The following JMJD1C variants were observed in gnomAD, a reference collection of about 807,000 sequenced individuals.
The protein encoded by JMJD1C is jumonji domain containing 1C, also known as jumonji domain-containing protein 1C.
A neutral mutation model predicts 245.3 loss-of-function variants in JMJD1C; 31 were observed. The ratio of observed to expected loss-of-function variants is 0.13; its 90% CI spans 0.09 to 0.17. JMJD1C has a LOEUF of 0.17. Ranked by LOEUF, JMJD1C falls within the 10% of genes least tolerant of loss-of-function variation. The pLI is 1.00. For synonymous variants in JMJD1C, 1,057 were observed against 1,017.4 expected (o/e 1.04, Z -0.74); for missense variants, 2,691 against 3,000.2 (o/e 0.90, Z 2.41).
chr10:63,217,978 T>C (rs931203433), intron 4 of JMJD1C, among the ~76,000 whole-genome samples: 1 of 152,066 alleles, frequency 6.6e-6, no homozygotes, highest in African/African-American at 2.4e-5. Flanking sequence ...TATTCAGATA[T>C]GCCTAATAAA....
intron 1 of JMJD1C, among the ~76,000 whole-genome samples, chr10:63,442,236 G>A (rs1289557682): frequency 1.3e-5 from 2 of 152,068 alleles, no homozygotes; most frequent in African/African-American, 4.8e-5. Context: ...GACTGCCAGG[G>A]AGAAAAAACG....
chr10:63,474,418 G>A (rs146934000), intron 1 of JMJD1C, among the ~76,000 whole-genome samples: 1 of 152,132 alleles, frequency 6.6e-6, no homozygotes, highest in Non-Finnish European at 1.5e-5. Context: ...ATCAAAGGAT[G>A]GGGATGAAAT....
At chr10:63,188,601 A>T (rs991944862) in intron 18 of JMJD1C, among the ~76,000 whole-genome samples, 1 of 152,208 alleles carries the variant, frequency 6.6e-6, no homozygotes, top group Non-Finnish European at 1.5e-5. Flanking sequence ...TTTGTTCATA[A>T]TTTTTGCATT....
chr10:63,168,059 T>C lies in JMJD1C; in HGVS notation c.7609A>G (p.Met2537Val). The C allele has an allele frequency of 6.3e-7, 1 of 1,583,684 alleles. No individual in the cohort carries two copies. Among genetic ancestry groups the C allele is most frequent in the Non-Finnish European group, 8.7e-7 (1 of 1,152,928 alleles). The stretch of plus-strand genomic sequence containing the variant: ...CTGGATCACACTTAATTTTCTTCCA[T>C]ATCCTCTACTTCATCCTCGTGTATC... The part of the protein sequence containing the change: ...LKIHEDEVED[M>V]EEN The change falls in exon 26 of 26, where the codon ATG (methionine) becomes GTG (valine). Residue 2537 changes from methionine to valine, a missense_variant. Transcript: ENST00000399262.
intron 2 of JMJD1C, chr10:63,372,992 C>A (rs1946430008): frequency 4.0e-6 from 1 of 252,886 alleles, no homozygotes; most frequent in Non-Finnish European, 9.9e-6. Context: ...GCCCCACTCC[C>A]CACAGAAGGT....
chr10:63,197,242 T>A (rs889391410), intron 13 of JMJD1C, among the ~76,000 whole-genome samples, 169 bp downstream of exon 13: 3 of 151,270 alleles, frequency 2.0e-5, no homozygotes, highest in Non-Finnish European at 4.4e-5. Flanking sequence ...CTAGAAAATA[T>A]AGCCGTTAAT....
At chr10:63,200,121 C>T (rs894102690) in intron 11 of JMJD1C, among the ~76,000 whole-genome samples, 2 of 152,158 alleles carry the variant, frequency 1.3e-5, no homozygotes, top group Non-Finnish European at 1.5e-5. Context: ...TAGTTGAACT[C>T]TTGCAAGTCT....
chr10:63,277,673 T>A (rs1856931594), intron 2 of JMJD1C, among the ~76,000 whole-genome samples: 1 of 150,146 alleles, frequency 6.7e-6, no homozygotes, highest in Non-Finnish European at 1.5e-5. Flanking sequence ...TGAAAATTTT[T>A]AAAAAACAAA....
chr10:63,379,704 T>C (rs1433342355), intron 2 of JMJD1C, among the ~76,000 whole-genome samples: 1 of 152,184 alleles, frequency 6.6e-6, no homozygotes, highest in East Asian at 1.9e-4. Context: ...CAGTCAACTA[T>C]CTCTCAGGTC....
chr10:63,244,036 C>T lies in JMJD1C; in HGVS notation c.447+20615G>A, dbSNP rs182861335. Among the ~76,000 whole-genome samples the T allele has an allele frequency of 8.9e-4, 136 of 152,264 alleles. 1 individual carries two copies. Among genetic ancestry groups the T allele is most frequent in the Non-Finnish European group, 1.5e-3 (101 of 68,024 alleles). On this transcript the variant is annotated intron_variant, in intron 3 of 25. Transcript: ENST00000399262. ...TTTCTGGCAGGAGATCTATCCCTGC[C>T]TCAACTGACAGGAAGCATCAGGAAC...
chr10:63,466,050 C>G (rs1031582566), upstream of JMJD1C: 2 of 225,714 alleles, frequency 8.9e-6, no homozygotes, highest in African/African-American at 4.7e-5. Flanking sequence ...GGGCAGCAGC[C>G]GCGGGAGGGT....
chr10:63,401,096 T>C (rs1948823197), intron 1 of JMJD1C, among the ~76,000 whole-genome samples: 1 of 151,870 alleles, frequency 6.6e-6, no homozygotes, highest in African/African-American at 2.4e-5. Context: ...TCACCTCAGG[T>C]GATTCACCCG....
intron 2 of JMJD1C, among the ~76,000 whole-genome samples, chr10:63,300,443 C>T (rs1859950656): frequency 6.6e-6 from 1 of 152,070 alleles, no homozygotes; most frequent in Non-Finnish European, 1.5e-5. Context: ...GTTTCAAGAG[C>T]TTGAAAAAAG....
intron 1 of JMJD1C, among the ~76,000 whole-genome samples, chr10:63,425,544 G>A (rs1273568570): frequency 1.6e-4 from 24 of 152,162 alleles, no homozygotes; most frequent in Non-Finnish European, 7.3e-5. Context: ...GACTTTGGGA[G>A]GCCAAGACAG....
At chr10:63,294,836 C>T (rs1859186686) in intron 2 of JMJD1C, among the ~76,000 whole-genome samples, 1 of 152,066 alleles carries the variant, frequency 6.6e-6, no homozygotes, top group African/African-American at 2.4e-5. Context: ...AAAACAAAGG[C>T]TATCATTAAA....
At chr10:63,177,464 GTC>G in intron 23 of JMJD1C, 1 of 456,084 alleles carries the variant, frequency 2.2e-6, no homozygotes, top group East Asian at 4.5e-5. Flanking sequence ...GAACAGATCA[GTC>G]TTTTATTAAC....
chr10:63,238,875 T>A (rs1851118120), intron 3 of JMJD1C, among the ~76,000 whole-genome samples: 1 of 152,228 alleles, frequency 6.6e-6, no homozygotes, highest in Admixed American at 6.5e-5. Flanking sequence ...GCCAAGGCAC[T>A]GGCAATATAT....
chr10:63,207,930 A>G lies in JMJD1C; in HGVS notation c.3739T>C (p.Ser1247Pro). The G allele has an allele frequency of 6.2e-7, 1 of 1,614,096 alleles. No homozygotes were observed. Among genetic ancestry groups the G allele is most frequent in the Non-Finnish European group, 8.5e-7 (1 of 1,179,990 alleles). ...PVNAGGKVQESQKPPTLIPEP... is the reference protein window; with the variant it reads ...PVNAGGKVQEPQKPPTLIPEP... The stretch of plus-strand genomic sequence containing the variant: ...GGTATTAGAGTTGGAGGCTTCTGTG[A>G]TTCTTGAACTTTACCACCAGCATTT... The change falls in exon 10 of 26, where the codon TCA becomes CCA. Residue 1247 changes from serine (S) to proline (P), a missense_variant. By Grantham distance (74) the Ser-to-Pro change is moderately conservative (BLOSUM62 -1). Transcript: ENST00000399262.
At chr10:63,325,801 T>C (rs1025377992) in intron 2 of JMJD1C, among the ~76,000 whole-genome samples, 1 of 152,224 alleles carries the variant, frequency 6.6e-6, no homozygotes, top group Non-Finnish European at 1.5e-5. Flanking sequence ...CTTCTTAGAA[T>C]AAACTATAAA....
Sources: allele counts gnomAD v4.1 joint callset (sites outside exome capture counted in the v4.1 genomes callset), GRCh38; gene constraint gnomAD v4.1.1; transcripts MANE v1.5; gene names NCBI Gene and HGNC (gene_info 2026-07-23, HGNC 2026-07-21).